Variants in COL19A1 observed in about 807,000 individuals in gnomAD.
COL19A1 encodes collagen alpha-1(XIX) chain.
COL19A1 carries 159 observed loss-of-function variants against 190.2 expected under a neutral mutation model. The ratio of observed to expected loss-of-function variants is 0.84; its 90% CI spans 0.73 to 0.95. The LOEUF (loss-of-function observed/expected upper bound fraction) is 0.95. COL19A1 is among the 40% of genes least tolerant of loss of function. The pLI, the probability that COL19A1 is intolerant of heterozygous loss-of-function variation, is 0.00. For synonymous variants in COL19A1, 509 were observed against 458.9 expected (o/e 1.11, Z -1.39); for missense variants, 1,418 against 1,431.9 (o/e 0.99, Z 0.16).
chr6:70,180,168 G>A, intron 42 of COL19A1, 144 bp from the exon 43 acceptor site: 4 of 832,238 alleles, frequency 4.8e-6, no homozygotes, highest in Non-Finnish European at 5.7e-6. Context: ...TTCCAGACAT[G>A]AGCCACCACA....
chr6:69,957,371 T>C (rs1303297656), intron 9 of COL19A1, among the ~76,000 whole-genome samples: 1 of 152,136 alleles, frequency 6.6e-6, no homozygotes, highest in Non-Finnish European at 1.5e-5. Flanking sequence ...GAAAGGGTAC[T>C]TTTTGATTGT....
rs762680989 is a variant in COL19A1 at position 70,156,196 on chromosome 6, G to C, written c.2149G>C (p.Gly717Arg). ...KSNKGEEGGA[G>R]EPGKYDSMAR... ...CAACAAAGGAGAAGAAGGAGGTGCT[G>C]GTGAGCCTGGAAAGTATGATTCCAT... The change falls in exon 32 of 51, where the codon GGT (glycine) becomes CGT (arginine). Residue 717 changes from glycine to arginine, a missense_variant. Transcript: ENST00000620364. The C allele has an allele frequency of 6.2e-7, 1 of 1,613,358 alleles. No individual in the cohort carries two copies. The highest frequency in any genetic ancestry group is 2.2e-5 in the East Asian group (1 of 44,812).
At chr6:69,949,740 G>A (rs1774017301) in intron 9 of COL19A1, among the ~76,000 whole-genome samples, 1 of 151,776 alleles carries the variant, frequency 6.6e-6, no homozygotes, top group South Asian at 2.1e-4. Context: ...AACTTATCCA[G>A]CATCCCCTTA....
At chr6:69,943,716 G>A (rs1211021016) in intron 9 of COL19A1, among the ~76,000 whole-genome samples, 4 of 152,080 alleles carry the variant, frequency 2.6e-5, no homozygotes, top group African/African-American at 7.2e-5. Flanking sequence ...GTAAATACAT[G>A]GATTTATTTA....
At chr6:70,191,809 A>T (rs1313069717) in intron 48 of COL19A1, among the ~76,000 whole-genome samples, 1 of 152,132 alleles carries the variant, frequency 6.6e-6, no homozygotes. Context: ...AGATTGTTGA[A>T]TTTTTTTAAG....
chr6:70,020,817 T>A (rs976272413), intron 11 of COL19A1, among the ~76,000 whole-genome samples: 1 of 152,096 alleles, frequency 6.6e-6, no homozygotes, highest in Non-Finnish European at 1.5e-5. Context: ...TAAGGGACCT[T>A]AAGAGATGAT....
At chr6:70,065,855 A>G (rs1038644466) in intron 14 of COL19A1, among the ~76,000 whole-genome samples, 8 of 152,258 alleles carry the variant, frequency 5.3e-5, no homozygotes, top group African/African-American at 1.9e-4. Context: ...GACACATGAA[A>G]AAATGCTCAT....
At chr6:70,146,548 A>G (rs1033829421) in intron 25 of COL19A1, 111 bp from the exon 26 acceptor site, 1 of 698,710 alleles carries the variant, frequency 1.4e-6, no homozygotes, top group African/African-American at 1.9e-5. Context: ...TTTATAGAAA[A>G]AGATTTATTC....
chr6:70,084,884 G>A (rs911936282), intron 15 of COL19A1, among the ~76,000 whole-genome samples: 2 of 152,020 alleles, frequency 1.3e-5, no homozygotes, highest in African/African-American at 4.8e-5. Flanking sequence ...ATCTCAAAAG[G>A]CATTAATTCT....
chr6:70,133,013 A>C (rs183714442), intron 18 of COL19A1, among the ~76,000 whole-genome samples: 2 of 152,256 alleles, frequency 1.3e-5, no homozygotes, highest in Admixed American at 1.3e-4. Context: ...GTTCTTTTCT[A>C]TTCACCCATC....
rs942651449 is a variant in COL19A1, at chr6:70,167,970, G to C, written c.2446-55G>C. The C allele has an allele frequency of 2.8e-5, 35 of 1,264,200 alleles. No homozygotes were observed. In the African/African-American group the frequency reaches 4.8e-4, roughly 17 times the overall value. 78.3% of individuals were successfully genotyped at this position (1,264,200 alleles called of 1,614,324 possible). A position where few individuals can be genotyped will look rare whatever the true frequency, so the allele number is the denominator to read the frequency against. On this transcript the variant is annotated intron_variant, in intron 37 of 50. Coordinates refer to ENST00000620364, the MANE Select transcript of COL19A1 (RefSeq NM_001858.6). ...TCATTTGGTAAAATGATAAAATGTAGAGATGCAAAGTATTAACTTCCAAGA... is the reference window on the plus strand; with the variant it reads ...TCATTTGGTAAAATGATAAAATGTACAGATGCAAAGTATTAACTTCCAAGA...
At chr6:70,036,872 T>C (rs1420848777) in intron 14 of COL19A1, among the ~76,000 whole-genome samples, 1 of 152,150 alleles carries the variant, frequency 6.6e-6, no homozygotes, top group Non-Finnish European at 1.5e-5. Flanking sequence ...ACTGTGTGAT[T>C]TTGATAATAT....
Position 70,168,693 on chromosome 6 carries a change from C to A in COL19A1, c.2568+12C>A, listed in dbSNP as rs1765317981. The A allele has an allele frequency of 1.2e-6, 2 of 1,612,286 alleles. No individual in the cohort carries two copies. Among genetic ancestry groups the A allele is most frequent in the African/African-American group, 2.7e-5 (2 of 74,836 alleles). On this transcript the variant is annotated intron_variant, in intron 40 of 50. Transcript: ENST00000620364. ...ATCCTGGCCCAGTGGTATGAATGTT[C>A]CCATGTTTTGTGTCATTTAGAATAT...
intron 9 of COL19A1, among the ~76,000 whole-genome samples, chr6:69,959,440 A>G (rs979437496): frequency 2.0e-5 from 3 of 152,194 alleles, no homozygotes; most frequent in Non-Finnish European, 4.4e-5. Context: ...GAAGTCACTT[A>G]AAGCCAGAAT....
chr6:69,963,881 T>C (rs1774940905), intron 11 of COL19A1, among the ~76,000 whole-genome samples: 1 of 152,258 alleles, frequency 6.6e-6, no homozygotes. Context: ...AATTTACAAC[T>C]TTCTATTGAA....
At chr6:70,131,043 T>C (rs757782063) in intron 18 of COL19A1, 5 of 462,402 alleles carry the variant, frequency 1.1e-5, no homozygotes, top group South Asian at 8.0e-5. Flanking sequence ...ATTCCCCTTG[T>C]CATTTGCAGG....
chr6:70,056,937 A>G (rs4634408), intron 14 of COL19A1, among the ~76,000 whole-genome samples: 4,065 of 152,148 alleles, frequency 0.027, 192 homozygotes, highest in African/African-American at 0.089. Context: ...GTATTTCTGT[A>G]CTGATTTATT....
chr6:70,180,585 A>G, intron 44 of COL19A1, 62 bp downstream of exon 44: 2 of 1,517,450 alleles, frequency 1.3e-6, no homozygotes, highest in Non-Finnish European at 9.1e-7. Context: ...TTATCTCCTC[A>G]TCTACCACCT....
chr6:70,145,718 G>GTTTATT (rs1554216042), intron 25 of COL19A1, among the ~76,000 whole-genome samples: 2 of 91,672 alleles, frequency 2.2e-5, no homozygotes, highest in Non-Finnish European at 4.3e-5. Context: ...TCATCTTATT[G>GTTTATT]TTTCTTTTTT....
Sources: allele counts gnomAD v4.1 joint callset (sites outside exome capture counted in the v4.1 genomes callset), GRCh38; gene constraint gnomAD v4.1.1; transcripts MANE v1.5; gene names NCBI Gene and HGNC (gene_info 2026-07-23, HGNC 2026-07-21).